ITGB7: variants seen among roughly 807,000 people sequenced by gnomAD.
ITGB7 encodes the protein integrin beta-7.
ITGB7 carries 55 observed loss-of-function variants against 83.4 expected under a neutral mutation model. The observed-to-expected ratio is 0.66, with a 90% CI of 0.53 to 0.83. The LOEUF is 0.83. ITGB7 is among the 40% of genes least tolerant of loss of function. The probability of loss-of-function intolerance (pLI) is 0.00; values close to 1 mark genes in which losing one functional copy is unlikely to be tolerated. For synonymous variants in ITGB7, 454 were observed against 423.6 expected, an observed-to-expected ratio of 1.07 and a Z score of -0.88; for missense variants, 921 against 1,046.7, an observed-to-expected ratio of 0.88 and a Z score of 1.66.
intron 10 of ITGB7, 57 bp from the exon 11 acceptor site, chr12:53,193,958 AACTC>A: frequency 6.7e-7 from 1 of 1,493,708 alleles, no homozygotes; most frequent in East Asian, 2.3e-5. Context: ...ACATACCCCA[AACTC>A]ACCAATCATC....
Position 53,200,350 on chromosome 12 carries a change from T to C in ITGB7, c.94A>G (p.Thr32Ala), listed in dbSNP as rs1265309362. 6.2e-7 allele frequency: 1 copy of C among 1,614,046 alleles called. No homozygotes were observed. The highest frequency in any genetic ancestry group is 1.3e-5 in the African/African-American group (1 of 74,930). Residue 32 changes from threonine to alanine, a missense_variant, in exon 3 of 16, where the codon ACA becomes GCA. By Grantham distance (58) the Thr-to-Ala change is moderately conservative. Transcript: ENST00000267082. The stretch of plus-strand genomic sequence containing the variant: ...GACAGGTGAGGATTCCGCCATTCTG[T>C]GGCATCCCCTGTGGATGGGATCTTG... ...DAKIPSTGDATEWRNPHLSML... is the reference protein window; with the variant it reads ...DAKIPSTGDAAEWRNPHLSML...
At chr12:53,198,350 CT>C (rs1942238003) in intron 3 of ITGB7, among the ~76,000 whole-genome samples, 1 of 152,022 alleles carries the variant, frequency 6.6e-6, no homozygotes, top group Admixed American at 6.6e-5. Context: ...TGGTCTCAAA[CT>C]TTTGACCTCA....
chr12:53,200,501 C>G (rs1942300928), intron 2 of ITGB7, 55 bp from the exon 3 acceptor site: 3 of 1,460,288 alleles, frequency 2.1e-6, no homozygotes, highest in Non-Finnish European at 1.9e-6. Context: ...CTCTCAAACT[C>G]TCAGTCCTCT....
Position 53,200,262 on chromosome 12 carries a change from C to CA in ITGB7, c.181dup (p.Cys61LeufsTer88), listed in dbSNP as rs898995608. 8 of 1,613,894 alleles carry CA rather than the reference C, an allele frequency of 5.0e-6. No homozygotes were observed. The highest frequency in any genetic ancestry group is 8.5e-7 in the Non-Finnish European group (1 of 1,180,016). On this transcript the variant is annotated frameshift_variant, in exon 3 of 16. Coordinates refer to ENST00000267082, the MANE Select transcript of ITGB7 (RefSeq NM_000889.3). LOFTEE classifies it high-confidence loss of function. ...CTTTACCAGTTGCTTGCACCATGCA[C>CA]AGCTGGGGTGTGAGAGGATGCACTT...
intron 3 of ITGB7, among the ~76,000 whole-genome samples, chr12:53,199,559 CA>C (rs1458730626): frequency 6.6e-6 from 1 of 150,512 alleles, no homozygotes; most frequent in East Asian, 1.9e-4. Flanking sequence ...CCTAACCCTC[CA>C]TGTGATGGTA....
At chr12:53,201,949 T>C (rs76469478) in intron 1 of ITGB7, among the ~76,000 whole-genome samples, 3,286 of 152,308 alleles carry the variant, frequency 0.022, 117 homozygotes, top group African/African-American at 0.073. Flanking sequence ...AGGATACACA[T>C]ATATTATACA....
At chr12:53,194,919 G>A (rs1942104955) in intron 9 of ITGB7, 1 of 184,768 alleles carries the variant, frequency 5.4e-6, no homozygotes, top group Admixed American at 5.3e-5. Flanking sequence ...ATCTCACATT[G>A]TTTATGTACA....
At position 53,197,877 on chromosome 12, in the gene ITGB7, C is replaced by T. The variant is rs986777101; in HGVS notation, c.276G>A (p.Pro92=). The change falls in exon 4 of 16, where the codon CCG becomes CCA. Residue 92 remains proline, a synonymous_variant. Coordinates refer to ENST00000267082, the MANE Select transcript of ITGB7 (RefSeq NM_000889.3). Reference sequence around the variant, plus strand: ...CGCGGGGCTCCTCCAGCTCCTCCAGCGGGCAGCCTCGAGCCAGCAGCTCCT... The same window carrying T: ...CGCGGGGCTCCTCCAGCTCCTCCAGTGGGCAGCCTCGAGCCAGCAGCTCCT... ...RREELLARGC[P]LEELEEPRGQ... 1.0e-5 allele frequency: 16 copies of T among 1,534,420 alleles called. No individual in the cohort carries two copies. The highest frequency in any genetic ancestry group is 1.4e-5 in the Non-Finnish European group (16 of 1,147,082).
chr12:53,192,742 C>G lies in ITGB7; in HGVS notation c.1895G>C (p.Gly632Ala), dbSNP rs1446889369. 4 of 1,614,142 alleles carry G rather than the reference C, an allele frequency of 2.5e-6. No homozygotes were observed. In the Admixed American group the frequency reaches 6.7e-5, roughly 27 times the overall value. ...GCCTGGGCATTGGTCGCATAGAGCACCATAGTAGCCGTCCAAGCACTGGCA... is the reference window on the plus strand; with the variant it reads ...GCCTGGGCATTGGTCGCATAGAGCAGCATAGTAGCCGTCCAAGCACTGGCA... ...NRCQCLDGYY[G>A]ALCDQCPGCK... The change falls in exon 13 of 16, where the codon GGT becomes GCT. Residue 632 changes from glycine (G) to alanine (A), a missense_variant. By Grantham distance (60) the Gly-to-Ala change is moderately conservative. Coordinates refer to ENST00000267082, the MANE Select transcript of ITGB7 (RefSeq NM_000889.3).
In ITGB7 at chr12:53,200,260, C is replaced by T. The variant is rs142122515; in HGVS notation, c.184G>A (p.Ala62Thr). The T allele has an allele frequency of 1.4e-5, 23 of 1,613,836 alleles. No homozygotes were observed. In the African/African-American group the frequency reaches 2.7e-4, roughly 19 times the overall value. ...QKCILSHPSC[A>T]WCKQLNFTAS... is the part of the protein sequence containing the mutation. ...ATCTTTACCAGTTGCTTGCACCATG[C>T]ACAGCTGGGGTGTGAGAGGATGCAC... Residue 62 changes from alanine (A) to threonine (T), a missense_variant, in exon 3 of 16, where the codon GCA (alanine) becomes ACA (threonine). Transcript: ENST00000267082.
intron 1 of ITGB7, among the ~76,000 whole-genome samples, chr12:53,203,668 AAAAG>A (rs1271457527): frequency 1.6e-3 from 224 of 137,350 alleles, no homozygotes; most frequent in South Asian, 7.3e-3. Context: ...AAAAAAAAAA[AAAAG>A]AAAGAAAGAA....
Position 53,197,907 on chromosome 12 carries a change from T to C in ITGB7, c.246A>G (p.Arg82=). Residue 82 remains arginine, a synonymous_variant, in exon 4 of 16, where the codon CGA becomes CGG. Coordinates refer to ENST00000267082, the MANE Select transcript of ITGB7 (RefSeq NM_000889.3). The part of the protein sequence containing the change: ...SGEAEARRCA[R]REELLARGCP... ...AGCCTCGAGCCAGCAGCTCCTCTCGTCGGGCGCAGCGCCGCGCCTCCGCCT... is the reference window on the plus strand; with the variant it reads ...AGCCTCGAGCCAGCAGCTCCTCTCGCCGGGCGCAGCGCCGCGCCTCCGCCT... The C allele has an allele frequency of 1.9e-6, 3 of 1,546,040 alleles. No individual in the cohort carries two copies. Among genetic ancestry groups the C allele is most frequent in the Non-Finnish European group, 2.6e-6 (3 of 1,153,856 alleles).
intron 1 of ITGB7, among the ~76,000 whole-genome samples, chr12:53,206,506 C>T (rs1942446175): frequency 6.6e-6 from 1 of 152,200 alleles, no homozygotes; most frequent in Admixed American, 6.5e-5. Context: ...CTGGTGGGCT[C>T]TGCCTAATCC....
At chr12:53,206,503 G>A (rs949467326) in intron 1 of ITGB7, among the ~76,000 whole-genome samples, 4 of 152,140 alleles carry the variant, frequency 2.6e-5, no homozygotes, top group Admixed American at 1.3e-4. Context: ...GCCCTGGTGG[G>A]CTCTGCCTAA....
chr12:53,194,379 G>A (rs746153606), intron 9 of ITGB7, 35 bp from the exon 10 acceptor site: 2 of 1,609,506 alleles, frequency 1.2e-6, no homozygotes, highest in Non-Finnish European at 1.7e-6. Context: ...ACCACGTGAA[G>A]GCAGAAAAGG....
intron 15 of ITGB7, 47 bp downstream of exon 15, chr12:53,191,812 T>C (rs1941957157): frequency 6.2e-7 from 1 of 1,609,956 alleles, no homozygotes; most frequent in East Asian, 2.2e-5. Context: ...GCTGGTCTTG[T>C]GGTGGGGGAA....
chr12:53,193,655 G>C, intron 11 of ITGB7, 53 bp downstream of exon 11: 1 of 1,487,114 alleles, frequency 6.7e-7, no homozygotes, highest in Non-Finnish European at 9.2e-7. Flanking sequence ...ATACGGGCCA[G>C]GGTTGGTTGG....
rs887412087 is a variant in ITGB7 at position 53,192,378 on chromosome 12, C to T, written c.2107G>A (p.Glu703Lys). The change falls in exon 14 of 16, where the codon GAG (glutamate) becomes AAG (lysine). Residue 703 changes from glutamate (E) to lysine (K), a missense_variant. By Grantham distance (56) the Glu-to-Lys change is moderately conservative (BLOSUM62 1). Coordinates refer to ENST00000267082, the MANE Select transcript of ITGB7 (RefSeq NM_000889.3). ...ACGACCGTGCCTCTGGCGTCATCCT[C>T]CACCAAGAAGAAGAACAGCTGGTTG... ...LDNQLFFFLV[E>K]DDARGTVVLR... 3 of 1,614,038 alleles carry T rather than the reference C, an allele frequency of 1.9e-6. No homozygotes were observed. The highest frequency in any genetic ancestry group is 1.7e-6 in the Non-Finnish European group (2 of 1,180,040).
At chr12:53,198,920 C>T (rs1942255231) in intron 3 of ITGB7, among the ~76,000 whole-genome samples, 1 of 152,202 alleles carries the variant, frequency 6.6e-6, no homozygotes, top group African/African-American at 2.4e-5. Context: ...TCAGCTGGCC[C>T]TAGGTGTCAG....
Sources: gnomAD v4.1 joint callset for allele counts (sites outside exome capture counted in the v4.1 genomes callset) on GRCh38, gnomAD v4.1.1 for gene constraint, MANE v1.5 for transcripts, NCBI Gene and HGNC (gene_info 2026-07-23, HGNC 2026-07-21) for gene names.